The following ZNF670 variants were observed in gnomAD, a reference collection of about 807,000 sequenced individuals.
ZNF670 encodes the protein zinc finger protein 670.
ZNF670 carries 7 observed loss-of-function variants against 10.9 expected under a neutral mutation model. The ratio of observed to expected loss-of-function variants is 0.64; its 90% CI spans 0.36 to 1.20. ZNF670 has a LOEUF of 1.20. Among genes scored for constraint, ZNF670 ranks in the 50% most tolerant of loss-of-function variants. ZNF670 has a pLI of 0.02. For synonymous variants in ZNF670, 136 were observed against 152.7 expected, an observed-to-expected ratio of 0.89 and a Z score of 0.81; for missense variants, 446 against 458.6, an observed-to-expected ratio of 0.97 and a Z score of 0.25.
chr1:247,052,722 T>C (rs1469065079), intron 1 of ZNF670, among the ~76,000 whole-genome samples: 1 of 152,196 alleles, frequency 6.6e-6, no homozygotes, highest in African/African-American at 2.4e-5. Context: ...TTGCGTTGGT[T>C]GGCCAGCAGC....
intron 1 of ZNF670, among the ~76,000 whole-genome samples, chr1:247,069,473 T>C (rs1419638245): frequency 6.6e-6 from 1 of 151,226 alleles, no homozygotes; most frequent in South Asian, 2.1e-4. Flanking sequence ...ACCTGCCATA[T>C]GATCCAGCAA....
intron 1 of ZNF670, among the ~76,000 whole-genome samples, chr1:247,058,355 C>T (rs924371129): frequency 6.6e-6 from 1 of 152,096 alleles, no homozygotes. Flanking sequence ...TCTTCAGATA[C>T]TTTGTGAAAT....
At chr1:247,058,074 T>C (rs1421297791) in intron 1 of ZNF670, among the ~76,000 whole-genome samples, 1 of 152,354 alleles carries the variant, frequency 6.6e-6, no homozygotes, top group Non-Finnish European at 1.5e-5. Flanking sequence ...ATGCATTGCA[T>C]GCCCGTATCA....
chr1:247,067,163 C>T (rs769362028), intron 1 of ZNF670, among the ~76,000 whole-genome samples: 4 of 152,064 alleles, frequency 2.6e-5, no homozygotes, highest in African/African-American at 9.7e-5. Flanking sequence ...CGGCCAGGCG[C>T]GGTGGCTCAT....
intron 1 of ZNF670, among the ~76,000 whole-genome samples, chr1:247,050,173 T>C (rs1464288081): frequency 9.2e-5 from 14 of 152,220 alleles, no homozygotes; most frequent in Admixed American, 8.5e-4. Flanking sequence ...TTAGGTCTAG[T>C]AGTAATTATT....
At chr1:247,056,344 G>A (rs574255050) in intron 1 of ZNF670, among the ~76,000 whole-genome samples, 6 of 152,198 alleles carry the variant, frequency 3.9e-5, no homozygotes, top group South Asian at 4.1e-4. Context: ...TTCCCTGACC[G>A]CAAAGGATTA....
At chr1:247,039,310 C>G (rs1379911925) in intron 2 of ZNF670, 101 bp downstream of exon 2, 6 of 1,398,140 alleles carry the variant, frequency 4.3e-6, no homozygotes, top group Non-Finnish European at 5.8e-6. Flanking sequence ...ATTCACCCGC[C>G]TTGGCCTCCC....
intron 1 of ZNF670, among the ~76,000 whole-genome samples, chr1:247,059,736 C>T (rs767656729): frequency 9.9e-5 from 15 of 151,872 alleles, no homozygotes; most frequent in African/African-American, 1.9e-4. Context: ...AGTTATTTGT[C>T]GATAACATGA....
intron 1 of ZNF670, among the ~76,000 whole-genome samples, chr1:247,061,242 C>T (rs192213780): frequency 2.0e-5 from 3 of 148,396 alleles, no homozygotes; most frequent in South Asian, 2.1e-4. Context: ...AGTGCAGAGG[C>T]GCGATCTTGG....
intron 1 of ZNF670, among the ~76,000 whole-genome samples, chr1:247,052,533 T>G (rs1040709299): frequency 6.6e-6 from 1 of 152,098 alleles, no homozygotes; most frequent in Non-Finnish European, 1.5e-5. Flanking sequence ...TGCTTGTAGT[T>G]TTTTGGGTTT....
chr1:247,072,673 G>A (rs1671146132), intron 1 of ZNF670, among the ~76,000 whole-genome samples: 1 of 150,886 alleles, frequency 6.6e-6, no homozygotes, highest in Admixed American at 6.6e-5. Flanking sequence ...TGTAATCCCA[G>A]CTAGTTGGGA....
intron 1 of ZNF670, among the ~76,000 whole-genome samples, chr1:247,076,521 G>A (rs1671258027): frequency 6.6e-6 from 1 of 152,160 alleles, no homozygotes; most frequent in Admixed American, 6.5e-5. Flanking sequence ...CTCCCAAAGT[G>A]TTGGGATTAC....
intron 1 of ZNF670, among the ~76,000 whole-genome samples, chr1:247,045,286 G>A (rs1353028779): frequency 6.6e-6 from 1 of 152,176 alleles, no homozygotes; most frequent in Admixed American, 6.5e-5. Context: ...ATACGGTTTG[G>A]CTGTGTGTTT....
intron 1 of ZNF670, chr1:247,043,011 T>C (rs1572557097): frequency 1.3e-6 from 1 of 796,484 alleles, no homozygotes; most frequent in East Asian, 2.6e-5. Context: ...AGAAAGTGAA[T>C]CCATACAAGA....
At chr1:247,044,243 T>C (rs1670386587) in intron 1 of ZNF670, among the ~76,000 whole-genome samples, 1 of 150,632 alleles carries the variant, frequency 6.6e-6, no homozygotes, top group Non-Finnish European at 1.5e-5. Flanking sequence ...AAAGGAGAAA[T>C]AATTGGAAAA....
At chr1:247,077,722 T>C (rs1294589974) in intron 1 of ZNF670, among the ~76,000 whole-genome samples, 2 of 152,244 alleles carry the variant, frequency 1.3e-5, no homozygotes, top group African/African-American at 4.8e-5. Flanking sequence ...AGGGTTTTAC[T>C]ACAAGCCCCA....
intron 1 of ZNF670, among the ~76,000 whole-genome samples, chr1:247,064,822 T>G (rs1234608321): frequency 1.3e-5 from 2 of 152,150 alleles, no homozygotes; most frequent in Non-Finnish European, 2.9e-5. Context: ...TCTTTTTATT[T>G]TTGACTGGGT....
chr1:247,040,017 A>T (rs1210259004), intron 1 of ZNF670, among the ~76,000 whole-genome samples: 2 of 152,218 alleles, frequency 1.3e-5, no homozygotes, highest in Admixed American at 6.5e-5. Context: ...ATATGTAAAC[A>T]ATCTTATGCA....
intron 1 of ZNF670, among the ~76,000 whole-genome samples, chr1:247,054,562 G>A (rs1046481080): frequency 6.6e-6 from 1 of 152,196 alleles, no homozygotes; most frequent in Non-Finnish European, 1.5e-5. Context: ...GACCAGAAGG[G>A]AACCAAATGC....
Sources: gnomAD v4.1 joint callset for allele counts (sites outside exome capture counted in the v4.1 genomes callset) on GRCh38, gnomAD v4.1.1 for gene constraint, MANE v1.5 for transcripts, NCBI Gene and HGNC (gene_info 2026-07-23, HGNC 2026-07-21) for gene names.